The following L1TD1 variants were observed in gnomAD, a reference collection of about 807,000 sequenced individuals.
The protein encoded by L1TD1 is LINE-1 type transposase domain-containing protein 1.
Under a neutral mutation model 25.7 loss-of-function variants are expected in L1TD1, and 26 were observed. The ratio of observed to expected loss-of-function variants is 1.01; its 90% CI spans 0.74 to 1.40. The LOEUF (loss-of-function observed/expected upper bound fraction) is 1.40, where lower values mean the gene tolerates loss of function less well. L1TD1 is among the 40% of genes most tolerant of loss of function. The pLI is 0.00. For missense variants in L1TD1, 1,130 were observed against 975.0 expected (o/e 1.16, Z -2.12); for synonymous variants, 421 against 335.6 (o/e 1.25, Z -2.78).
Position 62,206,999 on chromosome 1 carries a change from CTAAAA to C in L1TD1, c.374_378del (p.Lys125ArgfsTer2), listed in dbSNP as rs1173400449. ...GTAGGGAAAATAGAAGGAGAAAACT[CTAAAA>C]TAGGTGATGATAATGAAAATTTAAC... On this transcript the variant is annotated frameshift_variant, in exon 3 of 4. Transcript: ENST00000498273. LOFTEE classifies it high-confidence loss of function. 4.3e-6 allele frequency: 7 copies of C among 1,612,794 alleles called. No individual in the cohort carries two copies. In the African/African-American group the frequency reaches 9.4e-5, roughly 22 times the overall value.
At chr1:62,209,158 T>C (rs771006167) in intron 3 of L1TD1, among the ~76,000 whole-genome samples, 9 of 152,158 alleles carry the variant, frequency 5.9e-5, no homozygotes, top group African/African-American at 1.2e-4. Flanking sequence ...ATAAGGAAAA[T>C]TGAGGCACTA....
At position 62,206,997 on chromosome 1, in the gene L1TD1, C is replaced by G; in HGVS notation, c.369C>G (p.Asn123Lys). ...TGGTAGGGAAAATAGAAGGAGAAAACTCTAAAATAGGTGATGATAATGAAA... is the reference window on the plus strand; with the variant it reads ...TGGTAGGGAAAATAGAAGGAGAAAAGTCTAAAATAGGTGATGATAATGAAA... The part of the protein sequence containing the change: ...TGMVGKIEGE[N>K]SKIGDDNENL... The change falls in exon 3 of 4, where the codon AAC becomes AAG. Residue 123 changes from asparagine (N) to lysine (K), a missense_variant. Physicochemically the swap from Asn to Lys is moderately conservative, Grantham distance 94 (BLOSUM62 0). Coordinates refer to ENST00000498273, the MANE Select transcript of L1TD1 (RefSeq NM_019079.5). The G allele has an allele frequency of 6.2e-7, 1 of 1,612,984 alleles. No homozygotes were observed. The highest frequency in any genetic ancestry group is 8.5e-7 in the Non-Finnish European group (1 of 1,179,734).
rs752900303 is a variant in L1TD1, at chr1:62,209,871, C to T, written c.1097C>T (p.Ala366Val). ...SFLFLKEVKV[A>V]KPEEMKNLET... ...CTATTTCTTAAAGAAGTAAAAGTTG[C>T]TAAGCCAGAGGAGATGAAAAACTTA... Residue 366 changes from alanine (A) to valine (V), a missense_variant, in exon 4 of 4, where the codon GCT becomes GTT. Physicochemically the swap from Ala to Val is moderately conservative, Grantham distance 64 (BLOSUM62 0). Coordinates refer to ENST00000498273, the MANE Select transcript of L1TD1 (RefSeq NM_019079.5). 2.9e-5 allele frequency: 46 copies of T among 1,613,908 alleles called. No individual in the cohort carries two copies. The highest frequency in any genetic ancestry group is 4.4e-5 in the South Asian group (4 of 91,074).
chr1:62,210,106 A>C lies in L1TD1; in HGVS notation c.1332A>C (p.Ser444=). ...AGGAACAGACTTCAGAACAGGACTC[A>C]ACCTTTCAGGGTCATACTTTGGTAG... The part of the protein sequence containing the change: ...EEEEQTSEQD[S]TFQGHTLVDA... Residue 444 remains serine (S), a synonymous_variant, in exon 4 of 4, where the codon TCA becomes TCC. Transcript: ENST00000498273. 6.2e-7 allele frequency: 1 copy of C among 1,614,132 alleles called. No individual in the cohort carries two copies. The highest frequency in any genetic ancestry group is 8.5e-7 in the Non-Finnish European group (1 of 1,180,034).
Position 62,207,781 on chromosome 1 carries a change from C to T in L1TD1, c.1008+145C>T, listed in dbSNP as rs1013037859. ...AGGTGGGAGTGCAGTGGCACGATCTCGGCTCGCTACAACCTCTGCCTCCCA... is the reference window on the plus strand; with the variant it reads ...AGGTGGGAGTGCAGTGGCACGATCTTGGCTCGCTACAACCTCTGCCTCCCA... On this transcript the variant is annotated intron_variant, in intron 3 of 3. Coordinates refer to ENST00000498273, the MANE Select transcript of L1TD1 (RefSeq NM_019079.5). 5.8e-5 allele frequency: 59 copies of T among 1,015,080 alleles called. 1 individual carries two copies. Among genetic ancestry groups the T allele is most frequent in the Admixed American group, 9.4e-5 (3 of 31,792 alleles). The allele number at this position is 1,015,080 out of a possible 1,614,324, so 62.9% of individuals were successfully genotyped here. A position where few individuals can be genotyped will look rare whatever the true frequency, so the allele number is the denominator to read the frequency against.
At chr1:62,203,101 C>G (rs539024743) in intron 2 of L1TD1, among the ~76,000 whole-genome samples, 11 of 152,266 alleles carry the variant, frequency 7.2e-5, no homozygotes, top group African/African-American at 2.6e-4. Context: ...GCTGGGATTA[C>G]AGGTGTGAGC....
At chr1:62,200,103 C>G (rs982626797) in intron 2 of L1TD1, among the ~76,000 whole-genome samples, 1 of 151,802 alleles carries the variant, frequency 6.6e-6, no homozygotes, top group Admixed American at 6.6e-5. Context: ...TTTATATGTA[C>G]GTTGAACATA....
chr1:62,202,884 T>C (rs1431220826), intron 2 of L1TD1, among the ~76,000 whole-genome samples: 1 of 152,058 alleles, frequency 6.6e-6, no homozygotes, highest in African/African-American at 2.4e-5. Flanking sequence ...GGTTTCACCA[T>C]GTTGGCCAGG....
intron 2 of L1TD1, among the ~76,000 whole-genome samples, chr1:62,204,826 G>T (rs1670704814): frequency 6.6e-6 from 1 of 152,106 alleles, no homozygotes; most frequent in African/African-American, 2.4e-5. Flanking sequence ...CCAGGCTGGA[G>T]TGCAATGGTG....
intron 2 of L1TD1, among the ~76,000 whole-genome samples, chr1:62,199,498 CAAA>C (rs34456833): frequency 7.5e-6 from 1 of 134,050 alleles, no homozygotes; most frequent in South Asian, 2.4e-4. Flanking sequence ...ACTCTTGTAT[CAAA>C]AAAAAAAAAA....
At chr1:62,196,278 T>C (rs1670538039) in intron 1 of L1TD1, among the ~76,000 whole-genome samples, 157 bp from the exon 2 acceptor site, 1 of 152,112 alleles carries the variant, frequency 6.6e-6, no homozygotes, top group East Asian at 1.9e-4. Context: ...TGCAGCCCTC[T>C]CCCGACTTAC....
At chr1:62,195,757 A>G (rs1164475886) in intron 1 of L1TD1, among the ~76,000 whole-genome samples, 1 of 150,016 alleles carries the variant, frequency 6.7e-6, no homozygotes, top group Middle Eastern at 3.4e-3. Context: ...TCTCAAATAA[A>G]AAAAGATGGA....
In L1TD1 at chr1:62,210,685, T is replaced by C; in HGVS notation, c.1911T>C (p.Ser637=). 6.4e-7 allele frequency: 1 copy of C among 1,553,394 alleles called. No homozygotes were observed. Among genetic ancestry groups the C allele is most frequent in the East Asian group, 2.4e-5 (1 of 40,944 alleles). Residue 637 remains serine (S), a synonymous_variant, in exon 4 of 4, where the codon AGT becomes AGC. Transcript: ENST00000498273. ...EIKEEIGNLK[S]SHSGVLEIEN... ...AAGAGGAGATTGGAAATTTGAAAAG[T>C]TCCCATTCAGGTGTCTTGGAAATTG...
chr1:62,210,490 T>G lies in L1TD1; in HGVS notation c.1716T>G (p.His572Gln), dbSNP rs777615995. 1 of 1,614,004 alleles carries G rather than the reference T, an allele frequency of 6.2e-7. No homozygotes were observed. The highest frequency in any genetic ancestry group is 8.5e-7 in the Non-Finnish European group (1 of 1,180,028). The change falls in exon 4 of 4, where the codon CAT (histidine) becomes CAG (glutamine). Residue 572 changes from histidine (H) to glutamine (Q), a missense_variant. Transcript: ENST00000498273. The stretch of plus-strand genomic sequence containing the variant: ...TGAGTCATGATGAGCATAAAAAGCA[T>G]TCACATACAAATTTGAGTATTTCAA... ...LEMSHDEHKK[H>Q]SHTNLSISTG...
At chr1:62,206,206 A>T (rs1352979157) in intron 2 of L1TD1, among the ~76,000 whole-genome samples, 2 of 152,236 alleles carry the variant, frequency 1.3e-5, no homozygotes, top group African/African-American at 2.4e-5. Flanking sequence ...AAAGAATAAC[A>T]TCTATTATAA....
intron 2 of L1TD1, among the ~76,000 whole-genome samples, chr1:62,197,623 C>T (rs2149097902): frequency 6.6e-6 from 1 of 151,594 alleles, no homozygotes; most frequent in South Asian, 2.1e-4. Flanking sequence ...CCACCGCACC[C>T]AGCCCAGCAC....
chr1:62,197,151 T>G (rs1670557904), intron 2 of L1TD1, among the ~76,000 whole-genome samples: 1 of 151,522 alleles, frequency 6.6e-6, no homozygotes, highest in African/African-American at 2.4e-5. Flanking sequence ...TTTGGGAGGT[T>G]GAGGAGGCCA....
At chr1:62,202,349 TTC>T (rs1670655115) in intron 2 of L1TD1, among the ~76,000 whole-genome samples, 1 of 151,996 alleles carries the variant, frequency 6.6e-6, no homozygotes, top group African/African-American at 2.4e-5. Context: ...TATTGATTCC[TTC>T]TCTTTTTTAG....
intron 2 of L1TD1, among the ~76,000 whole-genome samples, chr1:62,197,400 TATATATA>T (rs1557439369): frequency 1.9e-4 from 21 of 111,896 alleles, no homozygotes; most frequent in African/African-American, 6.1e-4. Flanking sequence ...AAATAAATTA[TATATATA>T]TATATATATA....
Sources: gnomAD v4.1 joint callset for allele counts (sites outside exome capture counted in the v4.1 genomes callset) on GRCh38, gnomAD v4.1.1 for gene constraint, MANE v1.5 for transcripts, NCBI Gene and HGNC (gene_info 2026-07-23, HGNC 2026-07-21) for gene names.